PSD3: variants seen among roughly 807,000 people sequenced by gnomAD.
PSD3 encodes the protein PH and SEC7 domain-containing protein 3.
PSD3 carries 49 observed loss-of-function variants against 105.5 expected under a neutral mutation model. That is an observed-to-expected ratio of 0.46 (90% CI 0.37 to 0.59). The LOEUF (loss-of-function observed/expected upper bound fraction) is 0.59. Ranked by LOEUF, PSD3 falls within the 20% of genes least tolerant of loss-of-function variation. PSD3 has a pLI of 0.00. For synonymous variants in PSD3, 557 were observed against 457.8 expected, an observed-to-expected ratio of 1.22 and a Z score of -2.77; for missense variants, 1,561 against 1,263.8, an observed-to-expected ratio of 1.24 and a Z score of -3.57.
chr8:19,024,670 T>G (rs1827481712), intron 1 of PSD3, among the ~76,000 whole-genome samples: 1 of 151,858 alleles, frequency 6.6e-6, no homozygotes, highest in Non-Finnish European at 1.5e-5. Context: ...ATTAGAGGGG[T>G]AGAACTTTCA....
intron 12 of PSD3, among the ~76,000 whole-genome samples, chr8:18,596,721 C>A (rs2634414): frequency 0.75 from 114,377 of 151,850 alleles, 43,891 homozygotes; most frequent in South Asian, 0.89. Context: ...AATTGGGAAA[C>A]CTAGAAGAAA....
chr8:18,942,594 T>G (rs1488747678), intron 1 of PSD3, among the ~76,000 whole-genome samples: 1 of 152,072 alleles, frequency 6.6e-6, no homozygotes, highest in Non-Finnish European at 1.5e-5. Context: ...ATCAGTAGAG[T>G]GTGTCCTAAC....
At chr8:18,752,589 TA>T (rs1805663686) in intron 9 of PSD3, among the ~76,000 whole-genome samples, 6 of 84,730 alleles carry the variant, frequency 7.1e-5, no homozygotes, top group Non-Finnish European at 9.9e-5. Context: ...ATATATATTA[TA>T]TATTATATAT....
chr8:19,018,358 TTA>T (rs1827240277), upstream of PSD3, among the ~76,000 whole-genome samples: 1 of 119,330 alleles, frequency 8.4e-6, no homozygotes, highest in African/African-American at 3.5e-5. Flanking sequence ...AATGCTCTTT[TTA>T]AAAAAAAAAA....
intron 10 of PSD3, among the ~76,000 whole-genome samples, chr8:18,642,636 T>C (rs1206981316): frequency 6.6e-6 from 1 of 152,200 alleles, no homozygotes. Flanking sequence ...ATAATCACAT[T>C]CCATCTGCTC....
At chr8:18,915,096 G>A (rs1586411380) in intron 2 of PSD3, among the ~76,000 whole-genome samples, 1 of 151,744 alleles carries the variant, frequency 6.6e-6, no homozygotes, top group Non-Finnish European at 1.5e-5. Flanking sequence ...CACACAATGG[G>A]GAAAGAACAT....
At chr8:18,850,431 G>A (rs558740555) in intron 4 of PSD3, among the ~76,000 whole-genome samples, 13 of 152,238 alleles carry the variant, frequency 8.5e-5, no homozygotes, top group Admixed American at 2.6e-4. Flanking sequence ...AAAACAAAGC[G>A]ATGTCAAGAT....
intron 1 of PSD3, among the ~76,000 whole-genome samples, chr8:18,953,998 A>C (rs917608866): frequency 6.6e-6 from 1 of 152,192 alleles, no homozygotes; most frequent in Non-Finnish European, 1.5e-5. Flanking sequence ...GATATCAAAC[A>C]GTGACACAGG....
chr8:18,918,941 A>G (rs1162536155), intron 2 of PSD3, among the ~76,000 whole-genome samples: 1 of 152,086 alleles, frequency 6.6e-6, no homozygotes, highest in African/African-American at 2.4e-5. Flanking sequence ...ATAATCCTCT[A>G]AAGCTTGGCT....
chr8:18,777,615 A>T (rs1030791286), intron 8 of PSD3, among the ~76,000 whole-genome samples: 5 of 152,220 alleles, frequency 3.3e-5, no homozygotes, highest in African/African-American at 1.2e-4. Context: ...GTAATAATCA[A>T]ATCAGGATAT....
chr8:18,616,761 C>A (rs915234281), intron 11 of PSD3, among the ~76,000 whole-genome samples: 1 of 149,834 alleles, frequency 6.7e-6, no homozygotes, highest in Non-Finnish European at 1.5e-5. Context: ...GTAGCTGGGA[C>A]TACAGGCGCC....
At chr8:18,634,372 G>C (rs1235486391) in intron 10 of PSD3, among the ~76,000 whole-genome samples, 1 of 151,990 alleles carries the variant, frequency 6.6e-6, no homozygotes, top group Admixed American at 6.6e-5. Flanking sequence ...TTTTAGATTT[G>C]TGAAGGACAG....
intron 1 of PSD3, among the ~76,000 whole-genome samples, chr8:19,072,105 CTT>C (rs60783892): frequency 0.28 from 40,497 of 142,572 alleles, 5,710 homozygotes; most frequent in South Asian, 0.37. Context: ...AATATTTCTT[CTT>C]TTTTTTTTTT....
chr8:18,985,849 A>T (rs142576969), intron 1 of PSD3, among the ~76,000 whole-genome samples: 141 of 152,080 alleles, frequency 9.3e-4, no homozygotes, highest in African/African-American at 3.1e-3. Context: ...TTTAGTTTGG[A>T]CATTCATGGA....
intron 1 of PSD3, among the ~76,000 whole-genome samples, chr8:18,944,847 G>C (rs1822762539): frequency 6.6e-6 from 1 of 152,108 alleles, no homozygotes; most frequent in Non-Finnish European, 1.5e-5. Flanking sequence ...CTTTTGACCT[G>C]TCCCCATTAT....
chr8:18,612,648 G>A (rs1805354015), intron 11 of PSD3, among the ~76,000 whole-genome samples: 1 of 152,144 alleles, frequency 6.6e-6, no homozygotes, highest in South Asian at 2.1e-4. Flanking sequence ...GGGATTACAG[G>A]CATGAGCCAC....
At chr8:18,649,007 T>C (rs751911407) in intron 10 of PSD3, among the ~76,000 whole-genome samples, 1 of 152,206 alleles carries the variant, frequency 6.6e-6, no homozygotes, top group African/African-American at 2.4e-5. Context: ...CAGGCAGACA[T>C]CTGCGGCAGG....
At chr8:18,647,314 T>G (rs765183963) in intron 10 of PSD3, among the ~76,000 whole-genome samples, 1 of 152,220 alleles carries the variant, frequency 6.6e-6, no homozygotes, top group Non-Finnish European at 1.5e-5. Flanking sequence ...ATCAATGTGC[T>G]ACCACCTCAC....
intron 4 of PSD3, among the ~76,000 whole-genome samples, chr8:18,845,391 C>A (rs556421787): frequency 1.3e-4 from 20 of 152,300 alleles, no homozygotes; most frequent in Admixed American, 3.3e-4. Context: ...GTCCTGTCTG[C>A]ATTCTCAGAC....
Sources: gnomAD v4.1 joint callset for allele counts (sites outside exome capture counted in the v4.1 genomes callset) on GRCh38, gnomAD v4.1.1 for gene constraint, MANE v1.5 for transcripts, NCBI Gene and HGNC (gene_info 2026-07-23, HGNC 2026-07-21) for gene names.